FREM2: variants seen among roughly 807,000 people sequenced by gnomAD.
The protein encoded by FREM2 is FRAS1 related extracellular matrix 2.
A neutral mutation model predicts 219.9 loss-of-function variants in FREM2; 119 were observed. The observed-to-expected ratio is 0.54, with a 90% CI of 0.47 to 0.63. The LOEUF (loss-of-function observed/expected upper bound fraction) is 0.63. Ranked by LOEUF, FREM2 falls within the 30% of genes least tolerant of loss-of-function variation. FREM2 has a pLI of 0.00. For synonymous variants in FREM2, 1,562 were observed against 1,522.8 expected (o/e 1.03, Z -0.60); for missense variants, 4,030 against 3,993.6 (o/e 1.01, Z -0.25).
chr13:38,825,851 C>T (rs1476086278), intron 6 of FREM2, among the ~76,000 whole-genome samples: 1 of 152,042 alleles, frequency 6.6e-6, no homozygotes, highest in Non-Finnish European at 1.5e-5. Flanking sequence ...AGAAAGTGGC[C>T]TTGCTTTATT....
intron 1 of FREM2, 41 bp from the exon 2 acceptor site, chr13:38,697,657 A>T: frequency 8.9e-7 from 1 of 1,124,820 alleles, no homozygotes; most frequent in South Asian, 1.2e-5. Flanking sequence ...CATCAATTTT[A>T]CTCTGGTAAT....
At chr13:38,781,120 C>T (rs552261339) in intron 4 of FREM2, among the ~76,000 whole-genome samples, 69 of 152,142 alleles carry the variant, frequency 4.5e-4, no homozygotes, top group Non-Finnish European at 7.5e-4. Flanking sequence ...CACCCCTTCA[C>T]CACCTCTCTA....
intron 6 of FREM2, among the ~76,000 whole-genome samples, chr13:38,828,320 A>T (rs1017364428): frequency 6.6e-6 from 1 of 152,176 alleles, no homozygotes; most frequent in African/African-American, 2.4e-5. Flanking sequence ...AAGTGCTTAG[A>T]ACAGTTCAGG....
chr13:38,733,410 A>C (rs1438055028), intron 2 of FREM2, among the ~76,000 whole-genome samples: 1 of 152,034 alleles, frequency 6.6e-6, no homozygotes, highest in East Asian at 1.9e-4. Context: ...ATTGAATAGC[A>C]ATGAAAAGAG....
In FREM2 at chr13:38,690,546, G is replaced by C; in HGVS notation, c.3202G>C (p.Glu1068Gln). 1.2e-6 allele frequency: 2 copies of C among 1,614,190 alleles called. No homozygotes were observed. The highest frequency in any genetic ancestry group is 2.2e-5 in the East Asian group (1 of 44,870). ...TILPVDSQAP[E>Q]IFVGEQLIVM... Reference sequence around the variant, plus strand: ...CCTGCCTGTTGATAGCCAGGCCCCAGAAATCTTTGTAGGTGAACAGTTGAT... The same window carrying C: ...CCTGCCTGTTGATAGCCAGGCCCCACAAATCTTTGTAGGTGAACAGTTGAT... The change falls in exon 1 of 24, where the codon GAA becomes CAA. Residue 1068 changes from glutamate (E) to glutamine (Q), a missense_variant. Glu to Gln is a conservative substitution (Grantham distance 29). Coordinates refer to ENST00000280481, the MANE Select transcript of FREM2 (RefSeq NM_207361.6).
At chr13:38,854,825 A>G (rs761205910) in intron 11 of FREM2, among the ~76,000 whole-genome samples, 1 of 152,190 alleles carries the variant, frequency 6.6e-6, no homozygotes, top group Non-Finnish European at 1.5e-5. Flanking sequence ...ATTGAAGCAG[A>G]AAAAGGAAAA....
chr13:38,780,879 G>A lies in FREM2; in HGVS notation c.5642-2191G>A, dbSNP rs575087036. Among the ~76,000 whole-genome samples, 95 of 152,278 alleles carry A rather than the reference G, an allele frequency of 6.2e-4. 1 individual carries two copies. The highest frequency in any genetic ancestry group is 2.2e-3 in the African/African-American group (90 of 41,564). On this transcript the variant is annotated intron_variant, in intron 4 of 23. Coordinates refer to ENST00000280481, the MANE Select transcript of FREM2 (RefSeq NM_207361.6). ...AACAGCCTCCAATGAGGTCACACCT[G>A]AAGCCTTCCCTTTTTTCCACTATTA...
rs908347690 is a variant in FREM2, at chr13:38,690,314, G to A, written c.2970G>A (p.Leu990=). 1.2e-6 allele frequency: 2 copies of A among 1,614,090 alleles called. No individual in the cohort carries two copies. The highest frequency in any genetic ancestry group is 1.3e-5 in the African/African-American group (1 of 74,930). The part of the protein sequence containing the change: ...MLTFLLEDPP[L]YGEILVNGIP... ...CTTTCCTCTTGGAAGATCCACCTTT[G>A]TATGGGGAAATCTTGGTCAATGGCA... Residue 990 remains leucine (L), a synonymous_variant, in exon 1 of 24, where the codon TTG becomes TTA. Coordinates refer to ENST00000280481, the MANE Select transcript of FREM2 (RefSeq NM_207361.6).
chr13:38,767,501 C>CA (rs994388136), intron 3 of FREM2, among the ~76,000 whole-genome samples: 21 of 151,560 alleles, frequency 1.4e-4, no homozygotes, highest in South Asian at 1.0e-3. Flanking sequence ...TTTGAAACTC[C>CA]AAAAAAAACA....
At chr13:38,716,344 A>T (rs1471924393) in intron 2 of FREM2, among the ~76,000 whole-genome samples, 1 of 152,134 alleles carries the variant, frequency 6.6e-6, no homozygotes, top group East Asian at 1.9e-4. Flanking sequence ...AATTCGAATC[A>T]GCCTGCATCC....
intron 4 of FREM2, among the ~76,000 whole-genome samples, chr13:38,781,238 C>A (rs1422450773): frequency 6.6e-6 from 1 of 152,160 alleles, no homozygotes; most frequent in Non-Finnish European, 1.5e-5. Context: ...GCCTTTTTCA[C>A]TTGTCCATCC....
chr13:38,866,995 C>A (rs1877992454), intron 16 of FREM2, among the ~76,000 whole-genome samples: 2 of 152,156 alleles, frequency 1.3e-5, no homozygotes, highest in Non-Finnish European at 2.9e-5. Flanking sequence ...AGTGACTATA[C>A]TTTGCTAGAT....
intron 6 of FREM2, among the ~76,000 whole-genome samples, chr13:38,807,189 T>TATATATATATATA (rs1555268805): frequency 0.029 from 1,295 of 45,256 alleles, 340 homozygotes; most frequent in Non-Finnish European, 0.037. Context: ...CTTGTCTCTG[T>TATATATATATATA]TATATATATA....
chr13:38,828,349 T>C (rs549363374), intron 6 of FREM2, among the ~76,000 whole-genome samples: 68 of 152,242 alleles, frequency 4.5e-4, no homozygotes, highest in African/African-American at 1.6e-3. Context: ...AAGTACTCAA[T>C]AAATATTGGT....
chr13:38,855,898 A>C (rs1304838639), intron 11 of FREM2, among the ~76,000 whole-genome samples: 3 of 152,184 alleles, frequency 2.0e-5, no homozygotes, highest in Admixed American at 1.3e-4. Flanking sequence ...AATTAAAAAA[A>C]TAAAGTCTTG....
chr13:38,732,167 TACA>T (rs1278833818), intron 2 of FREM2, among the ~76,000 whole-genome samples: 1 of 152,230 alleles, frequency 6.6e-6, no homozygotes, highest in East Asian at 1.9e-4. Flanking sequence ...CTTAAAATAA[TACA>T]ACTACGTCTG....
Position 38,884,029 on chromosome 13 carries a change from A to T in FREM2, c.*3242A>T, listed in dbSNP as rs1378563744. The T allele has an allele frequency of 6.6e-6, 1 of 152,224 alleles. No individual in the cohort carries two copies. The highest frequency in any genetic ancestry group is 1.5e-5 in the Non-Finnish European group (1 of 68,044). The allele number at this position is 152,224 out of a possible 1,614,324, so 9.4% of individuals were successfully genotyped here. A position where few individuals can be genotyped will look rare whatever the true frequency, so the allele number is the denominator to read the frequency against. On this transcript the variant is annotated 3_prime_UTR_variant, in exon 24 of 24. Transcript: ENST00000280481. The stretch of plus-strand genomic sequence containing the variant: ...CTTTATTCCAAGAATAACACTTAGC[A>T]CATAAACTCTTCTTCCAGCTCGTTA...
intron 2 of FREM2, among the ~76,000 whole-genome samples, chr13:38,716,387 T>C (rs767603671): frequency 6.6e-6 from 1 of 152,222 alleles, no homozygotes; most frequent in Non-Finnish European, 1.5e-5. Flanking sequence ...TTACTGCATA[T>C]CTTGGTGATT....
chr13:38,832,771 T>G (rs9603444), intron 6 of FREM2, among the ~76,000 whole-genome samples: 26,233 of 152,068 alleles, frequency 0.17, 4,840 homozygotes, highest in African/African-American at 0.47. Flanking sequence ...TCAGCAGGGT[T>G]CAGTGGCTCA....
Sources: gnomAD v4.1 joint callset for allele counts (sites outside exome capture counted in the v4.1 genomes callset) on GRCh38, gnomAD v4.1.1 for gene constraint, MANE v1.5 for transcripts, NCBI Gene and HGNC (gene_info 2026-07-23, HGNC 2026-07-21) for gene names.